ROBO1: variants seen among roughly 807,000 people sequenced by gnomAD.
ROBO1 encodes roundabout homolog 1.
Under a neutral mutation model 195.9 loss-of-function variants are expected in ROBO1, and 149 were observed. That is an observed-to-expected ratio of 0.76 (90% CI 0.67 to 0.87). The LOEUF (loss-of-function observed/expected upper bound fraction) is 0.87. Among genes scored for constraint, ROBO1 ranks in the 40% least tolerant of loss-of-function variants. The pLI, the probability that ROBO1 is intolerant of heterozygous loss-of-function variation, is 0.00. For missense variants in ROBO1, 1,933 were observed against 2,068.3 expected (o/e 0.93, Z 1.27); for synonymous variants, 816 against 733.2 (o/e 1.11, Z -1.82).
intron 1 of ROBO1, among the ~76,000 whole-genome samples, chr3:79,673,712 T>C (rs934727662): frequency 6.6e-6 from 1 of 152,028 alleles, no homozygotes; most frequent in Non-Finnish European, 1.5e-5. Flanking sequence ...ATTTTTGGCT[T>C]TTTAATTCAA....
intron 2 of ROBO1, among the ~76,000 whole-genome samples, chr3:79,448,845 T>A (rs1469577829): frequency 6.6e-6 from 1 of 152,202 alleles, no homozygotes; most frequent in Non-Finnish European, 1.5e-5. Flanking sequence ...GAATTACCCA[T>A]CATTAACTAC....
chr3:79,353,142 A>AT (rs570891044), intron 2 of ROBO1, among the ~76,000 whole-genome samples: 6 of 152,078 alleles, frequency 3.9e-5, no homozygotes, highest in African/African-American at 1.4e-4. Flanking sequence ...GTGAGATAAC[A>AT]TTTTTTTATG....
chr3:78,742,797 CTGTT>C (rs1189976488), intron 5 of ROBO1, among the ~76,000 whole-genome samples: 1 of 152,148 alleles, frequency 6.6e-6, no homozygotes, highest in Non-Finnish European at 1.5e-5. Flanking sequence ...CAACTTTAAA[CTGTT>C]TGATTCCTTG....
At chr3:79,187,102 C>T (rs2081454079) in intron 2 of ROBO1, among the ~76,000 whole-genome samples, 1 of 152,054 alleles carries the variant, frequency 6.6e-6, no homozygotes, top group South Asian at 2.1e-4. Context: ...CCAAAGGTAT[C>T]TAGTTATCCT....
chr3:78,863,284 A>T (rs886113078), intron 4 of ROBO1, among the ~76,000 whole-genome samples: 2 of 152,286 alleles, frequency 1.3e-5, no homozygotes, highest in South Asian at 4.1e-4. Flanking sequence ...AATATTATCA[A>T]TATCTGATCC....
chr3:78,894,433 A>C (rs926725559), intron 4 of ROBO1, among the ~76,000 whole-genome samples: 4 of 152,212 alleles, frequency 2.6e-5, no homozygotes, highest in African/African-American at 9.6e-5. Context: ...GTCCTCAGAT[A>C]TTAGATAAAA....
At chr3:79,575,170 T>C (rs1943417404) in intron 2 of ROBO1, among the ~76,000 whole-genome samples, 1 of 121,510 alleles carries the variant, frequency 8.2e-6, no homozygotes, top group South Asian at 2.2e-4. Flanking sequence ...AACAAATATA[T>C]ATAAATATAT....
chr3:79,731,382 G>A (rs1300980352), intron 1 of ROBO1, among the ~76,000 whole-genome samples: 3 of 152,124 alleles, frequency 2.0e-5, no homozygotes, highest in South Asian at 4.2e-4. Context: ...GAGCTCCTTG[G>A]ATCTATGTAT....
At chr3:78,758,206 A>G (rs1409661515) in intron 4 of ROBO1, among the ~76,000 whole-genome samples, 1 of 152,168 alleles carries the variant, frequency 6.6e-6, no homozygotes, top group Non-Finnish European at 1.5e-5. Flanking sequence ...CTTTTCCAGT[A>G]ATTGTTTTAT....
chr3:78,956,001 C>T (rs1045736600), intron 3 of ROBO1, among the ~76,000 whole-genome samples: 7 of 152,078 alleles, frequency 4.6e-5, no homozygotes, highest in African/African-American at 1.7e-4. Context: ...TTAGCTCTTG[C>T]AGATCCTAAG....
intron 4 of ROBO1, among the ~76,000 whole-genome samples, chr3:78,873,480 G>A (rs183771614): frequency 4.1e-4 from 62 of 152,090 alleles, no homozygotes; most frequent in African/African-American, 1.4e-3. Flanking sequence ...CAGAGTGATA[G>A]TGTATGAACG....
chr3:79,263,864 C>T (rs903820501), intron 2 of ROBO1, among the ~76,000 whole-genome samples: 3 of 151,960 alleles, frequency 2.0e-5, no homozygotes, highest in Admixed American at 6.6e-5. Context: ...ACTAATGGTA[C>T]GGCAATTGCT....
chr3:79,674,515 A>G lies in ROBO1; in HGVS notation c.-50-84554T>C, dbSNP rs368808752. Among the ~76,000 whole-genome samples the G allele has an allele frequency of 2.6e-5, 4 of 152,032 alleles. No homozygotes were observed. The East Asian group carries it at 7.8e-4, about 30-fold the overall frequency. ...AATAACCCATACTTATACAGTACTG[A>G]GGTTTTTACAGTATTATTTAATATG... On this transcript the variant is annotated intron_variant, in intron 1 of 30. Coordinates refer to ENST00000464233, the MANE Select transcript of ROBO1 (RefSeq NM_002941.4).
chr3:79,162,028 T>C (rs1157861474), intron 2 of ROBO1, among the ~76,000 whole-genome samples: 1 of 152,164 alleles, frequency 6.6e-6, no homozygotes, highest in Non-Finnish European at 1.5e-5. Context: ...GTAATTTCTT[T>C]CCTTCCTCCT....
chr3:78,679,035 A>G (rs2080817049), intron 10 of ROBO1, among the ~76,000 whole-genome samples: 3 of 152,234 alleles, frequency 2.0e-5, no homozygotes, highest in Admixed American at 2.0e-4. Context: ...GCAAATCAAT[A>G]AATGTAATCC....
intron 2 of ROBO1, among the ~76,000 whole-genome samples, chr3:79,464,360 T>C (rs781454163): frequency 1.4e-4 from 21 of 152,320 alleles, no homozygotes; most frequent in Admixed American, 2.0e-4. Context: ...TCCAAAGTGG[T>C]TGCACTACTT....
At chr3:79,494,270 T>C (rs751252492) in intron 2 of ROBO1, among the ~76,000 whole-genome samples, 23 of 152,204 alleles carry the variant, frequency 1.5e-4, no homozygotes, top group Non-Finnish European at 2.4e-4. Flanking sequence ...ATGAGACTTA[T>C]AGAAGAAACC....
intron 2 of ROBO1, among the ~76,000 whole-genome samples, chr3:79,481,860 C>A (rs1365825898): frequency 6.6e-6 from 1 of 151,734 alleles, no homozygotes; most frequent in Non-Finnish European, 1.5e-5. Context: ...AAAATATGGA[C>A]ACTTTGCTAA....
intron 2 of ROBO1, among the ~76,000 whole-genome samples, chr3:79,528,968 ATAAT>A: frequency 6.6e-6 from 1 of 152,354 alleles, no homozygotes; most frequent in Non-Finnish European, 1.5e-5. Flanking sequence ...TCTATTCTGC[ATAAT>A]TAAATGCATA....
Sources: allele counts gnomAD v4.1 joint callset (sites outside exome capture counted in the v4.1 genomes callset), GRCh38; gene constraint gnomAD v4.1.1; transcripts MANE v1.5; gene names NCBI Gene and HGNC (gene_info 2026-07-23, HGNC 2026-07-21).